The following LARGE1 variants were observed in gnomAD, a reference collection of about 807,000 sequenced individuals.
LARGE1 encodes the protein LARGE xylosyl- and glucuronyltransferase 1.
A neutral mutation model predicts 87.6 loss-of-function variants in LARGE1; 43 were observed. The observed-to-expected ratio is 0.49, with a 90% CI of 0.38 to 0.63. The LOEUF is 0.63. Ranked by LOEUF, LARGE1 falls within the 30% of genes least tolerant of loss-of-function variation. The probability of loss-of-function intolerance (pLI) is 0.00; values close to 1 mark genes in which losing one functional copy is unlikely to be tolerated. For synonymous variants in LARGE1, 434 were observed against 394.6 expected (o/e 1.10, Z -1.18); for missense variants, 802 against 1,000.2 (o/e 0.80, Z 2.67).
intron 7 of LARGE1, among the ~76,000 whole-genome samples, chr22:33,401,402 A>G (rs2065922119): frequency 6.6e-6 from 1 of 152,128 alleles, no homozygotes; most frequent in Non-Finnish European, 1.5e-5. Flanking sequence ...TTGGGAGGCA[A>G]ATGAGACATC....
intron 2 of LARGE1, among the ~76,000 whole-genome samples, chr22:33,718,551 C>G (rs1399757928): frequency 6.6e-6 from 1 of 152,212 alleles, no homozygotes; most frequent in Admixed American, 6.5e-5. Flanking sequence ...TGGGTGAAAA[C>G]AACATGAGCT....
At chr22:33,175,556 T>C (rs1922819187) in intron 11 of LARGE1, among the ~76,000 whole-genome samples, 1 of 152,212 alleles carries the variant, frequency 6.6e-6, no homozygotes, top group South Asian at 2.1e-4. Context: ...CCATTCACAA[T>C]TGCTACAAAG....
At position 33,477,104 on chromosome 22, in the gene LARGE1, A is replaced by G. The variant is rs1302037781; in HGVS notation, c.788-44839T>C. Among the ~76,000 whole-genome samples, 4 of 152,244 alleles carry G rather than the reference A, an allele frequency of 2.6e-5. No homozygotes were observed. In the East Asian group the frequency reaches 7.7e-4, roughly 29 times the overall value. On this transcript the variant is annotated intron_variant, in intron 6 of 14. Transcript: ENST00000397394. ...CGTGGCGGCTCACCGCTAAGTTTTC[A>G]AAGTGCCACTGGTGACAAGAAATTC...
Position 33,275,517 on chromosome 22 carries a change from T to G in LARGE1, c.2074-893A>C, listed in dbSNP as rs537698708. Among the ~76,000 whole-genome samples, 5 of 151,798 alleles carry G rather than the reference T, an allele frequency of 3.3e-5. No homozygotes were observed. In the East Asian group the frequency reaches 9.7e-4, roughly 29 times the overall value. On this transcript the variant is annotated intron_variant, in intron 14 of 14. Transcript: ENST00000397394. ...AAGACAGTTGCTGGTGAGGAATGAG[T>G]GAGAAAAACCATCAAAAGAAAATGC...
intron 11 of LARGE1, among the ~76,000 whole-genome samples, chr22:33,187,086 C>T (rs1923516131): frequency 6.6e-6 from 1 of 152,058 alleles, no homozygotes. Flanking sequence ...ATGGAGGTGC[C>T]TCAAAAACAC....
chr22:33,652,089 T>C (rs548014424), intron 2 of LARGE1, among the ~76,000 whole-genome samples: 11 of 152,246 alleles, frequency 7.2e-5, no homozygotes, highest in African/African-American at 2.4e-4. Context: ...GGCAGGGGAA[T>C]TGCTTGAACC....
At chr22:33,852,639 G>A (rs2063624496) in intron 1 of LARGE1, among the ~76,000 whole-genome samples, 1 of 151,930 alleles carries the variant, frequency 6.6e-6, no homozygotes, top group Non-Finnish European at 1.5e-5. Context: ...CTGAACTCAG[G>A]AGTTCGAGAC....
chr22:33,762,396 G>A (rs1198376315), intron 1 of LARGE1, among the ~76,000 whole-genome samples: 1 of 152,052 alleles, frequency 6.6e-6, no homozygotes, highest in African/African-American at 2.4e-5. Flanking sequence ...TGGCAGAACA[G>A]TTCCAGCATT....
chr22:33,344,640 G>A (rs960708270), intron 9 of LARGE1, among the ~76,000 whole-genome samples: 1 of 151,624 alleles, frequency 6.6e-6, no homozygotes, highest in African/African-American at 2.4e-5. Flanking sequence ...CTGTGTTGCT[G>A]ATATATATAT....
intron 6 of LARGE1, among the ~76,000 whole-genome samples, chr22:33,438,658 A>G (rs2067359460): frequency 6.6e-6 from 1 of 152,116 alleles, no homozygotes; most frequent in Non-Finnish European, 1.5e-5. Context: ...AGAACCAAGG[A>G]GCAGAGAACT....
chr22:33,092,916 T>C, the LARGE1 span, among the ~76,000 whole-genome samples: 4 of 152,202 alleles, frequency 2.6e-5, no homozygotes, highest in Non-Finnish European at 5.9e-5. Flanking sequence ...CTATTGTGAA[T>C]AGTGCTGCAG....
At chr22:33,257,361 C>T (rs997759825) in intron 11 of LARGE1, among the ~76,000 whole-genome samples, 19 of 151,528 alleles carry the variant, frequency 1.3e-4, no homozygotes, top group African/African-American at 3.6e-4. Flanking sequence ...GGTGAAATCC[C>T]ATCGCTACAA....
chr22:33,278,581 A>G (rs1929804250), intron 13 of LARGE1, among the ~76,000 whole-genome samples: 1 of 151,282 alleles, frequency 6.6e-6, no homozygotes, highest in Non-Finnish European at 1.5e-5. Flanking sequence ...ACACACACAC[A>G]CACACACGCA....
the LARGE1 span, among the ~76,000 whole-genome samples, chr22:33,123,168 A>G: frequency 6.6e-6 from 1 of 152,180 alleles, no homozygotes; most frequent in South Asian, 2.1e-4. Flanking sequence ...GTTATGAGCC[A>G]GACACATTTT....
intron 1 of LARGE1, among the ~76,000 whole-genome samples, chr22:33,786,598 C>T (rs1472330289): frequency 6.6e-6 from 1 of 152,222 alleles, no homozygotes; most frequent in African/African-American, 2.4e-5. Context: ...ATTCTCCTCC[C>T]TTCAGAGCCT....
At chr22:33,630,199 CA>C (rs928099427) in intron 3 of LARGE1, among the ~76,000 whole-genome samples, 4 of 149,788 alleles carry the variant, frequency 2.7e-5, no homozygotes, top group African/African-American at 7.4e-5. Flanking sequence ...AACTCGGTCT[CA>C]AAAAAAAACC....
At position 33,177,735 on chromosome 22, in the gene LARGE1, G is replaced by A. The variant is rs372465041; in HGVS notation, c.1731-10903C>T. ...TGTAGGAAACCACTTCGTGTGAAAA[G>A]GATCAACTCAGAATCACCCCGTCTC... On this transcript the variant is annotated intron_variant, in intron 11 of 11. Coordinates refer to the LARGE1 transcript ENST00000608642. Among the ~76,000 whole-genome samples the A allele has an allele frequency of 4.6e-5, 7 of 152,170 alleles. No homozygotes were observed. In the East Asian group the frequency reaches 1.2e-3, roughly 25 times the overall value.
At chr22:33,697,549 C>CAGAAAAAA (rs2082287191) in intron 2 of LARGE1, among the ~76,000 whole-genome samples, 1 of 54,094 alleles carries the variant, frequency 1.8e-5, no homozygotes, top group East Asian at 6.4e-4. Context: ...GACTCTGTCC[C>CAGAAAAAA]AAAAAAAAAA....
chr22:33,767,638 A>G (rs2084946594), intron 1 of LARGE1, among the ~76,000 whole-genome samples: 1 of 152,088 alleles, frequency 6.6e-6, no homozygotes, highest in Non-Finnish European at 1.5e-5. Flanking sequence ...CATCAGCACC[A>G]GAGGCTGTCT....
Sources: gnomAD v4.1 joint callset for allele counts (sites outside exome capture counted in the v4.1 genomes callset) on GRCh38, gnomAD v4.1.1 for gene constraint, MANE v1.5 for transcripts, NCBI Gene and HGNC (gene_info 2026-07-23, HGNC 2026-07-21) for gene names.